Variants in ACCSL observed in about 807,000 individuals in gnomAD.
ACCSL encodes the protein probable inactive 1-aminocyclopropane-1-carboxylate synthase-like protein 2.
Under a neutral mutation model 61.7 loss-of-function variants are expected in ACCSL, and 55 were observed. The ratio of observed to expected loss-of-function variants is 0.89; its 90% CI spans 0.72 to 1.12. The LOEUF (loss-of-function observed/expected upper bound fraction) is 1.12. Ranked by LOEUF, ACCSL falls within the 50% of genes most tolerant of loss-of-function variation. The pLI, the probability that ACCSL is intolerant of heterozygous loss-of-function variation, is 0.00. For missense variants in ACCSL, 632 were observed against 698.0 expected (o/e 0.91, Z 1.07); for synonymous variants, 258 against 264.3 (o/e 0.98, Z 0.23).
chr11:44,044,056 G>T (rs1057123604), upstream of ACCSL, among the ~76,000 whole-genome samples: 2 of 152,118 alleles, frequency 1.3e-5, no homozygotes, highest in African/African-American at 2.4e-5. Context: ...TTTTAAAAAT[G>T]CTTTGAGAAA....
At chr11:44,026,602 G>A in the ACCSL span, among the ~76,000 whole-genome samples, 3 of 152,092 alleles carry the variant, frequency 2.0e-5, no homozygotes, top group Non-Finnish European at 4.4e-5. Flanking sequence ...TTCTTAGTGT[G>A]TCCTGTAATT....
At chr11:43,980,755 TA>T in the ACCSL span, among the ~76,000 whole-genome samples, 1 of 152,204 alleles carries the variant, frequency 6.6e-6, no homozygotes, top group Non-Finnish European at 1.5e-5. Flanking sequence ...GAAAAGCTAG[TA>T]GCTTTTCAGT....
chr11:44,018,776 TG>T, the ACCSL span, among the ~76,000 whole-genome samples: 3 of 152,218 alleles, frequency 2.0e-5, no homozygotes. Flanking sequence ...GAGACCAGCC[TG>T]GACAGCATAC....
the ACCSL span, among the ~76,000 whole-genome samples, chr11:44,021,766 C>T: frequency 0.55 from 83,007 of 151,940 alleles, 22,997 homozygotes; most frequent in Admixed American, 0.6. Context: ...AGATTTAAGT[C>T]TTTGATCCAC....
the ACCSL span, among the ~76,000 whole-genome samples, chr11:43,926,995 C>A: frequency 1.3e-5 from 2 of 152,240 alleles, no homozygotes; most frequent in South Asian, 4.1e-4. Context: ...GATCCGCCCC[C>A]CATCGGCCTC....
intron 13 of ACCSL, among the ~76,000 whole-genome samples, chr11:44,059,481 T>C (rs1300810475): frequency 6.6e-6 from 1 of 152,204 alleles, no homozygotes; most frequent in Non-Finnish European, 1.5e-5. Flanking sequence ...AGTGAATTGT[T>C]CATTCTCATG....
the ACCSL span, among the ~76,000 whole-genome samples, chr11:44,037,802 G>A: frequency 2.6e-5 from 4 of 152,254 alleles, no homozygotes; most frequent in South Asian, 2.1e-4. Flanking sequence ...ATGGTAGAAC[G>A]TGAATAGTGT....
chr11:44,042,584 T>G, the ACCSL span, among the ~76,000 whole-genome samples: 1 of 152,082 alleles, frequency 6.6e-6, no homozygotes, highest in Non-Finnish European at 1.5e-5. Flanking sequence ...TCCCAAATGT[T>G]TGGATTACAA....
In ACCSL at chr11:44,048,365, G is replaced by GGGCCCAACTCTCTGGGCAGCC. The variant is rs1355513132; in HGVS notation, c.330_350dup (p.Ala111_Pro117dup). The GGGCCCAACTCTCTGGGCAGCC allele has an allele frequency of 4.3e-6, 7 of 1,614,158 alleles. No individual in the cohort carries two copies. Among genetic ancestry groups the GGGCCCAACTCTCTGGGCAGCC allele is most frequent in the Non-Finnish European group, 5.9e-6 (7 of 1,180,028 alleles). ...AGGGGTGATGTCAGATATGGGCAGA[G>GGGCCCAACTCTCTGGGCAGCC]GGCCCAACTCTCTGGGCAGCCTGAT... On this transcript the variant is annotated inframe_insertion, in exon 1 of 14. Transcript: ENST00000378832.
At chr11:43,974,124 C>T in the ACCSL span, 2 of 152,148 alleles carry the variant, frequency 1.3e-5, no homozygotes, top group Non-Finnish European at 2.9e-5. Flanking sequence ...CATGAGATTC[C>T]ACAGGCAGGA....
chr11:43,956,749 A>G, the ACCSL span, among the ~76,000 whole-genome samples: 14,206 of 152,242 alleles, frequency 0.093, 740 homozygotes, highest in African/African-American at 0.14. Flanking sequence ...TTTCACAACC[A>G]AAATGAGTGA....
the ACCSL span, among the ~76,000 whole-genome samples, chr11:43,930,740 C>T: frequency 6.6e-6 from 1 of 152,106 alleles, no homozygotes; most frequent in Non-Finnish European, 1.5e-5. Context: ...TGGACTAATA[C>T]AAACCAACTT....
the ACCSL span, among the ~76,000 whole-genome samples, chr11:44,015,522 G>A: frequency 1.3e-5 from 2 of 152,032 alleles, no homozygotes; most frequent in Non-Finnish European, 2.9e-5. Flanking sequence ...CACTAAAGAG[G>A]CAGACAAGAC....
At chr11:43,987,013 T>C in the ACCSL span, among the ~76,000 whole-genome samples, 868 of 152,224 alleles carry the variant, frequency 5.7e-3, 10 homozygotes, top group African/African-American at 0.02. Flanking sequence ...ATTCCCCCAC[T>C]CCAAGTACTG....
At chr11:43,996,310 G>A in the ACCSL span, among the ~76,000 whole-genome samples, 2 of 152,192 alleles carry the variant, frequency 1.3e-5, no homozygotes, top group African/African-American at 4.8e-5. Context: ...AATATGGTTC[G>A]ATTGATGTCT....
At chr11:44,051,603 T>C in intron 4 of ACCSL, 50 bp from the exon 5 acceptor site, 1 of 1,609,532 alleles carries the variant, frequency 6.2e-7, no homozygotes, top group Non-Finnish European at 8.5e-7. Context: ...GGCTACCCCT[T>C]CTCACATAGG....
chr11:44,056,183 A>G lies in ACCSL; in HGVS notation c.1186-2A>G. 1 of 1,614,192 alleles carries G rather than the reference A, an allele frequency of 6.2e-7. No homozygotes were observed. The highest frequency in any genetic ancestry group is 8.5e-7 in the Non-Finnish European group (1 of 1,180,028). ...TTCCTGTTCCTGCTTTTCTTCCTCT[A>G]GGATTTTGGCATCTCTGGCTTCCGC... On this transcript the variant is annotated splice_acceptor_variant, in intron 10 of 13. Coordinates refer to ENST00000378832, the MANE Select transcript of ACCSL (RefSeq NM_001031854.2). LOFTEE classifies it high-confidence loss of function.
At chr11:44,030,084 T>TTTTTTTTTTTTTTTTTTAA in the ACCSL span, among the ~76,000 whole-genome samples, 2 of 131,662 alleles carry the variant, frequency 1.5e-5, no homozygotes, top group African/African-American at 2.8e-5. Flanking sequence ...TTTTTTTTTT[T>TTTTTTTTTTTTTTTTTTAA]AGTATAAAGG....
the ACCSL span, among the ~76,000 whole-genome samples, chr11:44,021,315 G>T: frequency 6.6e-6 from 1 of 152,060 alleles, no homozygotes; most frequent in Non-Finnish European, 1.5e-5. Flanking sequence ...GGCCATTCTT[G>T]CAGGAGTTAG....
Sources: gnomAD v4.1 joint callset for allele counts (sites outside exome capture counted in the v4.1 genomes callset) on GRCh38, gnomAD v4.1.1 for gene constraint, MANE v1.5 for transcripts, NCBI Gene and HGNC (gene_info 2026-07-23, HGNC 2026-07-21) for gene names.